Variants in PSMA6 observed in about 807,000 individuals in gnomAD.
The protein encoded by PSMA6 is proteasome subunit alpha type-6.
For synonymous variants in PSMA6, 88 were observed against 97.7 expected (o/e 0.90, Z 0.59); for missense variants, 170 against 294.8 (o/e 0.58, Z 3.10).
At chr14:35,285,691 A>C (rs1161133254) in intron 1 of PSMA6, among the ~76,000 whole-genome samples, 2 of 152,180 alleles carry the variant, frequency 1.3e-5, no homozygotes, top group African/African-American at 4.8e-5. Flanking sequence ...CAATCTCTGC[A>C]CCTCCCTTTC....
intron 3 of PSMA6, 93 bp downstream of exon 3, chr14:35,309,088 C>CT: frequency 2.1e-6 from 2 of 967,926 alleles, no homozygotes; most frequent in Non-Finnish European, 3.1e-6. Context: ...TAATTTTAAA[C>CT]TTATTGCCTG....
rs559491308 is a variant in PSMA6, at chr14:35,296,286, C to T, written c.76+3734C>T. Among the ~76,000 whole-genome samples the T allele has an allele frequency of 5.9e-5, 9 of 151,942 alleles. No individual in the cohort carries two copies. In the South Asian group the frequency reaches 1.5e-3, roughly 25 times the overall value. On this transcript the variant is annotated intron_variant, in intron 1 of 6. Coordinates refer to ENST00000261479, the MANE Select transcript of PSMA6 (RefSeq NM_002791.3). ...AATGTAAAGCATTTAAAACATTGCC[C>T]GGTATATATAGTAAGCACTCAATGT...
intron 1 of PSMA6, among the ~76,000 whole-genome samples, chr14:35,283,087 A>G (rs1176820617): frequency 2.6e-5 from 4 of 151,834 alleles, no homozygotes; most frequent in African/African-American, 9.7e-5. Context: ...TCAGGTGTTC[A>G]CTCACCTTGG....
upstream of PSMA6, among the ~76,000 whole-genome samples, chr14:35,288,943 A>G (rs2051448667): frequency 6.6e-6 from 1 of 151,650 alleles, no homozygotes. Context: ...AACATTCTTA[A>G]AACATTATGA....
At chr14:35,294,014 A>G (rs901054544) in intron 1 of PSMA6, among the ~76,000 whole-genome samples, 1 of 152,222 alleles carries the variant, frequency 6.6e-6, no homozygotes, top group Non-Finnish European at 1.5e-5. Flanking sequence ...ATCTGAAAAC[A>G]AGTTCATTAT....
chr14:35,314,468 G>C lies in PSMA6; in HGVS notation c.683+13G>C, dbSNP rs1345499973. 6.2e-7 allele frequency: 1 copy of C among 1,606,654 alleles called. No homozygotes were observed. Among genetic ancestry groups the C allele is most frequent in the Non-Finnish European group, 8.5e-7 (1 of 1,175,548 alleles). ...ATCCTAAATTCAGGTGAGTGATATT[G>C]TGGGCCACATGCAGACTAGAAAGGT... On this transcript the variant is annotated intron_variant, in intron 6 of 6. Transcript: ENST00000261479.
At chr14:35,308,206 T>G in intron 2 of PSMA6, 118 bp downstream of exon 2, 1 of 1,351,684 alleles carries the variant, frequency 7.4e-7, no homozygotes, top group Non-Finnish European at 1.0e-6. Context: ...CAGATCACCT[T>G]AGATCGGGAG....
chr14:35,314,579 G>GT (rs1324086150), intron 6 of PSMA6, 124 bp downstream of exon 6: 33 of 1,256,960 alleles, frequency 2.6e-5, no homozygotes, highest in East Asian at 2.1e-4. Context: ...TTGTGTGTTT[G>GT]TTTTTTTCCC....
At chr14:35,283,512 A>C (rs1427450909) in intron 1 of PSMA6, among the ~76,000 whole-genome samples, 3 of 151,668 alleles carry the variant, frequency 2.0e-5, no homozygotes, top group African/African-American at 7.3e-5. Flanking sequence ...CACAGTCTAA[A>C]ATTTTTGCAA....
At chr14:35,289,431 G>A (rs1368133820), upstream of PSMA6, among the ~76,000 whole-genome samples, 1 of 152,026 alleles carries the variant, frequency 6.6e-6, no homozygotes, top group African/African-American at 2.4e-5. Context: ...CCAGGCTCAA[G>A]CGATTCTCCT....
chr14:35,279,403 C>G (rs1411810285), intron 1 of PSMA6, among the ~76,000 whole-genome samples: 1 of 152,210 alleles, frequency 6.6e-6, no homozygotes, highest in Admixed American at 6.5e-5. Context: ...CCAGCTTAAA[C>G]TACAGCATTG....
intron 1 of PSMA6, among the ~76,000 whole-genome samples, chr14:35,294,727 A>T (rs897091945): frequency 2.6e-5 from 4 of 151,462 alleles, no homozygotes; most frequent in Non-Finnish European, 5.9e-5. Context: ...GGTCTATTAG[A>T]TTAGTAGCTC....
chr14:35,309,325 C>T (rs2051893008), intron 3 of PSMA6, among the ~76,000 whole-genome samples: 1 of 152,118 alleles, frequency 6.6e-6, no homozygotes, highest in East Asian at 1.9e-4. Flanking sequence ...GTAATAATGG[C>T]ATCGGTTAGA....
intron 1 of PSMA6, among the ~76,000 whole-genome samples, chr14:35,295,453 T>C (rs2051566138): frequency 6.6e-6 from 1 of 151,798 alleles, no homozygotes; most frequent in South Asian, 2.1e-4. Context: ...TTTTTCTTTT[T>C]TTTTTTTTTC....
chr14:35,308,148 G>A lies in PSMA6; in HGVS notation c.171+60G>A. ...GAATATAAGAATTTTTCAGCCAAGT[G>A]CAGTGGCTCACACCTGTAATCCCAG... On this transcript the variant is annotated intron_variant, in intron 2 of 6. Coordinates refer to ENST00000261479, the MANE Select transcript of PSMA6 (RefSeq NM_002791.3). 6 of 1,588,354 alleles carry A rather than the reference G, an allele frequency of 3.8e-6. No homozygotes were observed. In the South Asian group the frequency reaches 5.6e-5, roughly 15 times the overall value.
At chr14:35,283,295 G>A (rs890303272) in intron 1 of PSMA6, among the ~76,000 whole-genome samples, 1 of 151,344 alleles carries the variant, frequency 6.6e-6, no homozygotes, top group Non-Finnish European at 1.5e-5. Context: ...GGGAGGCTGA[G>A]GTGGGAGAAT....
At chr14:35,287,498 T>C (rs761229464), upstream of PSMA6, among the ~76,000 whole-genome samples, 1 of 152,156 alleles carries the variant, frequency 6.6e-6, no homozygotes, top group Non-Finnish European at 1.5e-5. Context: ...ATCTTGCCTT[T>C]AAACACCATG....
intron 1 of PSMA6, among the ~76,000 whole-genome samples, chr14:35,294,147 C>T (rs576023147): frequency 6.6e-6 from 1 of 152,328 alleles, no homozygotes; most frequent in Non-Finnish European, 1.5e-5. Flanking sequence ...CGGGTTCAAG[C>T]AATTCTGCCT....
At chr14:35,302,692 G>A (rs998664190) in intron 1 of PSMA6, among the ~76,000 whole-genome samples, 12 of 151,582 alleles carry the variant, frequency 7.9e-5, no homozygotes, top group Admixed American at 3.3e-4. Context: ...CCACAGATTC[G>A]TTGTTTTTTT....
Sources: allele counts gnomAD v4.1 joint callset (sites outside exome capture counted in the v4.1 genomes callset), GRCh38; gene constraint gnomAD v4.1.1; transcripts MANE v1.5; gene names NCBI Gene and HGNC (gene_info 2026-07-23, HGNC 2026-07-21).